The following RAD51B variants were observed in gnomAD, a reference collection of about 807,000 sequenced individuals.
RAD51B encodes the protein DNA repair protein RAD51 homolog 2.
Under a neutral mutation model 42.2 loss-of-function variants are expected in RAD51B, and 38 were observed. That is an observed-to-expected ratio of 0.90 (90% CI 0.70 to 1.18). The LOEUF is 1.18. RAD51B is among the 50% of genes most tolerant of loss of function. The probability of loss-of-function intolerance (pLI) is 0.00; values close to 1 mark genes in which losing one functional copy is unlikely to be tolerated. For synonymous variants in RAD51B, 154 were observed against 145.2 expected (o/e 1.06, Z -0.43); for missense variants, 373 against 400.7 (o/e 0.93, Z 0.59).
intron 8 of RAD51B, among the ~76,000 whole-genome samples, chr14:68,316,179 C>A (rs2082058250): frequency 6.6e-6 from 1 of 152,174 alleles, no homozygotes; most frequent in Non-Finnish European, 1.5e-5. Context: ...TCTATGTCTC[C>A]AAGATACTGC....
intron 7 of RAD51B, among the ~76,000 whole-genome samples, chr14:68,012,521 G>T (rs1374932572): frequency 6.6e-6 from 1 of 152,060 alleles, no homozygotes; most frequent in Non-Finnish European, 1.5e-5. Flanking sequence ...GATAAAGTTT[G>T]CCAAACCCTG....
In RAD51B at chr14:68,291,929, G is replaced by T; in HGVS notation, c.802G>T (p.Ala268Ser). 1 of 1,613,930 alleles carries T rather than the reference G, an allele frequency of 6.2e-7. No homozygotes were observed. ...QITTHLSGALASQADLVSPAD... is the reference protein window; with the variant it reads ...QITTHLSGALSSQADLVSPAD... ...TACAACCCATCTGAGTGGAGCCCTG[G>T]CTTCTCAGGCAGACCTGGTGTCTCC... is the stretch of plus-strand genomic sequence containing the variant. Residue 268 changes from alanine (A) to serine (S), a missense_variant, in exon 8 of 11, where the codon GCT becomes TCT. Ala to Ser is a moderately conservative substitution (Grantham distance 99, BLOSUM62 1). Transcript: ENST00000471583.
At chr14:67,864,099 G>A (rs971281980) in intron 4 of RAD51B, among the ~76,000 whole-genome samples, 2 of 152,098 alleles carry the variant, frequency 1.3e-5, no homozygotes, top group Admixed American at 6.6e-5. Context: ...ATCAGATCTT[G>A]TGAGAACTCA....
intron 7 of RAD51B, among the ~76,000 whole-genome samples, chr14:68,072,436 A>G (rs1462532640): frequency 6.6e-6 from 1 of 152,080 alleles, no homozygotes; most frequent in African/African-American, 2.4e-5. Context: ...AGCATCCAGC[A>G]TGGGAGAAAG....
At position 68,160,076 on chromosome 14, in the gene RAD51B, G is replaced by A. The variant is rs377385418; in HGVS notation, c.757-131808G>A. ...AAAAAAAAAAATCACCCTCAACCTGGGTTATTTTCACTGACAGACTTCATG... is the reference window on the plus strand; with the variant it reads ...AAAAAAAAAAATCACCCTCAACCTGAGTTATTTTCACTGACAGACTTCATG... On this transcript the variant is annotated intron_variant, in intron 7 of 10. Transcript: ENST00000471583. Among the ~76,000 whole-genome samples, 27 of 104,156 alleles carry A rather than the reference G, an allele frequency of 2.6e-4. No homozygotes were observed. The South Asian group carries it at 8.7e-3, about 34-fold the overall frequency. The allele number at this position is 104,156 out of a possible 152,430, so 68.3% of individuals were successfully genotyped here.
intron 9 of RAD51B, among the ~76,000 whole-genome samples, chr14:68,445,735 A>T (rs932917793): frequency 6.6e-6 from 1 of 152,202 alleles, no homozygotes; most frequent in South Asian, 2.1e-4. Flanking sequence ...CTGGGTCTTG[A>T]TGAGTTTCAA....
intron 7 of RAD51B, among the ~76,000 whole-genome samples, chr14:67,927,699 T>TTGTGTGTGTG (rs569394299): frequency 2.1e-4 from 28 of 134,346 alleles, no homozygotes; most frequent in African/African-American, 9.4e-4. Flanking sequence ...TAGTATTTCA[T>TTGTGTGTGTG]TGTATGTGTG....
intron 8 of RAD51B, among the ~76,000 whole-genome samples, chr14:68,292,549 G>A (rs1283753946): frequency 6.6e-6 from 1 of 152,140 alleles, no homozygotes; most frequent in Non-Finnish European, 1.5e-5. Flanking sequence ...TAAACCAGAG[G>A]GTGGTTTCTA....
At chr14:68,611,089 C>A (rs748570099) in exon 11 of RAD51B, 9 of 703,056 alleles carry the variant, frequency 1.3e-5, no homozygotes, top group Non-Finnish European at 2.3e-5. Flanking sequence ...CTTCCTGATA[C>A]CTGATGTGGT....
chr14:68,359,794 T>A (rs1340412468), intron 8 of RAD51B, among the ~76,000 whole-genome samples: 2 of 152,200 alleles, frequency 1.3e-5, no homozygotes, highest in African/African-American at 4.8e-5. Flanking sequence ...TTGCCAGGAT[T>A]TAGAAGCCAG....
chr14:68,018,900 C>G (rs190880365), intron 7 of RAD51B, among the ~76,000 whole-genome samples: 27 of 152,126 alleles, frequency 1.8e-4, no homozygotes, highest in Admixed American at 1.1e-3. Flanking sequence ...GCTGTGAAAA[C>G]TTGGGTAATT....
At chr14:68,365,102 G>C (rs796926803) in intron 8 of RAD51B, among the ~76,000 whole-genome samples, 12 of 152,322 alleles carry the variant, frequency 7.9e-5, no homozygotes, top group African/African-American at 2.9e-4. Flanking sequence ...AGGGCACTGG[G>C]TGGCTAGGGC....
At chr14:68,012,731 T>G (rs1334405399) in intron 7 of RAD51B, among the ~76,000 whole-genome samples, 2 of 152,112 alleles carry the variant, frequency 1.3e-5, no homozygotes, top group African/African-American at 2.4e-5. Context: ...AATCATAACT[T>G]TTTGTGGTGC....
At chr14:68,351,476 A>G (rs1281014428) in intron 8 of RAD51B, among the ~76,000 whole-genome samples, 5 of 152,200 alleles carry the variant, frequency 3.3e-5, no homozygotes, top group African/African-American at 4.8e-5. Flanking sequence ...CTTACAGTCT[A>G]GAGGAGGAAC....
chr14:67,855,043 G>A (rs780993960), intron 4 of RAD51B, among the ~76,000 whole-genome samples: 4 of 152,170 alleles, frequency 2.6e-5, no homozygotes, highest in Admixed American at 6.5e-5. Context: ...TGTAATATCT[G>A]CATAGTTATT....
At chr14:68,665,118 A>G (rs1252866586) in intron 11 of RAD51B, among the ~76,000 whole-genome samples, 1 of 152,246 alleles carries the variant, frequency 6.6e-6, no homozygotes, top group African/African-American at 2.4e-5. Flanking sequence ...CTCTTGACTT[A>G]GAAAACCAGA....
intron 10 of RAD51B, chr14:68,561,979 C>T: frequency 1.0e-6 from 1 of 985,406 alleles, no homozygotes; most frequent in Non-Finnish European, 1.2e-6. Flanking sequence ...TGTACACGAG[C>T]TATTGTCTTT....
chr14:68,325,822 A>G (rs2082237545), intron 8 of RAD51B, among the ~76,000 whole-genome samples: 1 of 152,084 alleles, frequency 6.6e-6, no homozygotes, highest in African/African-American at 2.4e-5. Flanking sequence ...GTCACCACCC[A>G]TAGCACTGAC....
chr14:68,254,849 T>C (rs543321344), intron 7 of RAD51B, among the ~76,000 whole-genome samples: 17 of 152,180 alleles, frequency 1.1e-4, no homozygotes, highest in South Asian at 2.1e-4. Flanking sequence ...AGGCATACCA[T>C]TGGGCCTTGT....
Sources: gnomAD v4.1 joint callset for allele counts (sites outside exome capture counted in the v4.1 genomes callset) on GRCh38, gnomAD v4.1.1 for gene constraint, MANE v1.5 for transcripts, NCBI Gene and HGNC (gene_info 2026-07-23, HGNC 2026-07-21) for gene names.